Variants in EFCAB11 observed in about 807,000 individuals in gnomAD.
The protein encoded by EFCAB11 is EF-hand calcium-binding domain-containing protein 11.
A neutral mutation model predicts 23.0 loss-of-function variants in EFCAB11; 14 were observed. The ratio of observed to expected loss-of-function variants is 0.61; its 90% CI spans 0.40 to 0.95. The LOEUF is 0.95. Ranked by LOEUF, EFCAB11 falls within the 40% of genes least tolerant of loss-of-function variation. The pLI is 0.00. For synonymous variants in EFCAB11, 65 were observed against 66.6 expected (o/e 0.98, Z 0.11); for missense variants, 198 against 195.8 (o/e 1.01, Z -0.07).
chr14:89,836,932 T>C (rs11159936), intron 5 of EFCAB11: 279,953 of 429,914 alleles, frequency 0.65, 96,621 homozygotes, highest in Non-Finnish European at 0.77. Flanking sequence ...GGCAGGAGAA[T>C]TGCTTGAACC....
chr14:89,928,736 T>G (rs922352082), intron 5 of EFCAB11, among the ~76,000 whole-genome samples: 1 of 140,536 alleles, frequency 7.1e-6, no homozygotes, highest in South Asian at 2.4e-4. Flanking sequence ...CTGTTGTATA[T>G]AACTGATTAT....
chr14:89,902,454 A>C (rs984516203), intron 5 of EFCAB11, among the ~76,000 whole-genome samples: 3 of 152,162 alleles, frequency 2.0e-5, no homozygotes, highest in African/African-American at 7.2e-5. Flanking sequence ...TGGTGGCTCT[A>C]TTCTCAGCAT....
At chr14:89,952,416 A>G in intron 2 of EFCAB11, 1 of 985,422 alleles carries the variant, frequency 1.0e-6, no homozygotes, top group Non-Finnish European at 1.2e-6. Flanking sequence ...AGTTAAATAC[A>G]ATGCTTCACA....
intron 5 of EFCAB11, among the ~76,000 whole-genome samples, chr14:89,837,780 T>C (rs1184398976): frequency 1.3e-5 from 2 of 152,090 alleles, no homozygotes; most frequent in Non-Finnish European, 2.9e-5. Flanking sequence ...GTCTGAGGTT[T>C]CTACATCTGC....
chr14:89,930,296 G>A (rs1890345239), intron 5 of EFCAB11, among the ~76,000 whole-genome samples: 1 of 152,140 alleles, frequency 6.6e-6, no homozygotes, highest in Non-Finnish European at 1.5e-5. Flanking sequence ...CTATTGAGAA[G>A]GGCTGGCTCT....
intron 5 of EFCAB11, 73 bp downstream of exon 5, chr14:89,931,468 C>G: frequency 7.5e-7 from 1 of 1,327,392 alleles, no homozygotes; most frequent in African/African-American, 1.5e-5. Context: ...TAAGTTCTTT[C>G]CATAAAGTCA....
intron 5 of EFCAB11, among the ~76,000 whole-genome samples, chr14:89,861,845 G>A (rs1488912921): frequency 1.3e-5 from 2 of 152,164 alleles, no homozygotes; most frequent in Admixed American, 1.3e-4. Context: ...CTGGTACCAT[G>A]TTCTTGGACT....
At chr14:89,854,164 G>A (rs1047038639) in intron 5 of EFCAB11, among the ~76,000 whole-genome samples, 5 of 148,886 alleles carry the variant, frequency 3.4e-5, no homozygotes, top group South Asian at 2.2e-4. Context: ...TATTTCCCCC[G>A]AGAAGATAAG....
intron 5 of EFCAB11, among the ~76,000 whole-genome samples, chr14:89,834,013 T>A (rs1042146130): frequency 6.6e-6 from 1 of 152,120 alleles, no homozygotes; most frequent in African/African-American, 2.4e-5. Context: ...TGGACTCCAG[T>A]TGCAATAAGT....
chr14:89,897,640 G>A (rs1036486058), intron 5 of EFCAB11, among the ~76,000 whole-genome samples: 23 of 152,074 alleles, frequency 1.5e-4, no homozygotes, highest in Non-Finnish European at 3.4e-4. Context: ...GTAGTTCTCG[G>A]GTTGACTGCA....
chr14:89,914,973 C>T (rs892545317), intron 5 of EFCAB11, among the ~76,000 whole-genome samples: 1 of 151,988 alleles, frequency 6.6e-6, no homozygotes, highest in South Asian at 2.1e-4. Flanking sequence ...TAGCCGCCCC[C>T]GCCCACACAC....
intron 5 of EFCAB11, chr14:89,829,862 A>T (rs952369393): frequency 2.0e-5 from 3 of 152,248 alleles, no homozygotes; most frequent in African/African-American, 7.2e-5. Context: ...TGTCTAAAAA[A>T]TCCATGGATC....
At chr14:89,798,858 C>T (rs980181392) in intron 5 of EFCAB11, among the ~76,000 whole-genome samples, 11 of 152,188 alleles carry the variant, frequency 7.2e-5, no homozygotes, top group African/African-American at 1.4e-4. Flanking sequence ...GTGATCTTGG[C>T]TCACTGCGAC....
At chr14:89,870,482 T>A (rs2140161949) in intron 5 of EFCAB11, among the ~76,000 whole-genome samples, 1 of 152,232 alleles carries the variant, frequency 6.6e-6, no homozygotes, top group East Asian at 1.9e-4. Flanking sequence ...ATTCAATAAT[T>A]CCAGTTATAA....
In EFCAB11 at chr14:89,797,265, T is replaced by A; in HGVS notation, c.470A>T (p.Asn157Ile). The A allele has an allele frequency of 1.2e-6, 2 of 1,613,508 alleles. No individual in the cohort carries two copies. Among genetic ancestry groups the A allele is most frequent in the South Asian group, 2.2e-5 (2 of 91,070 alleles). ...TAGTTAGGCTTCCTTCTGTCCATAG[T>A]TCAGGGCATATTCAAAGTCTCTAAA... ...VSFRDFEYALNYGQKEA is the reference protein window; with the variant it reads ...VSFRDFEYALIYGQKEA The change falls in exon 6 of 6, where the codon AAC becomes ATC. Residue 157 changes from asparagine (N) to isoleucine (I), a missense_variant. By Grantham distance (149) the Asn-to-Ile change is moderately radical. Transcript: ENST00000316738.
chr14:89,801,228 G>A (rs1211945624), intron 5 of EFCAB11, among the ~76,000 whole-genome samples: 2 of 152,074 alleles, frequency 1.3e-5, no homozygotes, highest in South Asian at 2.1e-4. Context: ...TGACTGTTAC[G>A]TTTCCTATGT....
Position 89,936,966 on chromosome 14 carries a change from C to T in EFCAB11, c.218-4339G>A, listed in dbSNP as rs951457593. Among the ~76,000 whole-genome samples the T allele has an allele frequency of 3.3e-5, 5 of 152,266 alleles. No homozygotes were observed. In the East Asian group the frequency reaches 9.6e-4, roughly 29 times the overall value. Reference sequence around the variant, plus strand: ...ATAAGAAATATATTACCTGTGTCCCCTCCCACCCCGCCTCCAGAGGAAGAA... The same window carrying T: ...ATAAGAAATATATTACCTGTGTCCCTTCCCACCCCGCCTCCAGAGGAAGAA... On this transcript the variant is annotated intron_variant, in intron 3 of 5. Transcript: ENST00000316738.
intron 5 of EFCAB11, among the ~76,000 whole-genome samples, chr14:89,880,938 C>T (rs1306700312): frequency 6.6e-6 from 1 of 152,072 alleles, no homozygotes; most frequent in Non-Finnish European, 1.5e-5. Context: ...ATCTCATCTT[C>T]CCCATCTATA....
Position 89,844,340 on chromosome 14 carries a change from A to G in EFCAB11, c.411-47016T>C, listed in dbSNP as rs558750646. On this transcript the variant is annotated intron_variant, in intron 5 of 5. Transcript: ENST00000316738. The stretch of plus-strand genomic sequence containing the variant: ...CAAGGGGGTGATGAATACAGTGATT[A>G]CGACTACGGTTTTCACTACTGTCTT... Among the ~76,000 whole-genome samples the G allele has an allele frequency of 7.2e-5, 11 of 152,364 alleles. No individual in the cohort carries two copies. In the South Asian group the frequency reaches 2.1e-3, roughly 29 times the overall value.
Sources: allele counts gnomAD v4.1 joint callset (sites outside exome capture counted in the v4.1 genomes callset), GRCh38; gene constraint gnomAD v4.1.1; transcripts MANE v1.5; gene names NCBI Gene and HGNC (gene_info 2026-07-23, HGNC 2026-07-21).